NINL: variants seen among roughly 807,000 people sequenced by gnomAD.
The protein encoded by NINL is ninein-like protein.
Under a neutral mutation model 160.3 loss-of-function variants are expected in NINL, and 153 were observed. That is an observed-to-expected ratio of 0.95 (90% confidence interval 0.84 to 1.09). NINL has a LOEUF of 1.09. NINL is among the 50% of genes least tolerant of loss of function. The pLI, the probability that NINL is intolerant of heterozygous loss-of-function variation, is 0.00. For synonymous variants in NINL, 800 were observed against 734.8 expected (o/e 1.09, Z -1.43); for missense variants, 1,829 against 1,764.0 (o/e 1.04, Z -0.66).
At chr20:25,461,828 C>G (rs778198881) in intron 20 of NINL, among the ~76,000 whole-genome samples, 193 bp from the exon 21 acceptor site, 16 of 152,234 alleles carry the variant, frequency 1.1e-4, no homozygotes, top group Non-Finnish European at 2.2e-4. Flanking sequence ...ACGCATCTCC[C>G]TGGTGAGACA....
chr20:25,513,101 C>T, intron 3 of NINL, 95 bp from the exon 4 acceptor site: 4 of 1,260,600 alleles, frequency 3.2e-6, no homozygotes, highest in Non-Finnish European at 4.4e-6. Flanking sequence ...GCACACTCAG[C>T]ACCGAGTGTG....
chr20:25,515,649 G>A (rs1021444650), intron 3 of NINL, among the ~76,000 whole-genome samples: 1 of 152,166 alleles, frequency 6.6e-6, no homozygotes, highest in African/African-American at 2.4e-5. Context: ...AATTCCCAAT[G>A]GTGGAGGAAG....
intron 13 of NINL, chr20:25,488,879 T>C (rs527670056): frequency 4.7e-6 from 1 of 214,178 alleles, no homozygotes; most frequent in African/African-American, 2.2e-5. Flanking sequence ...TTGAGAACAT[T>C]AAGCGTGTAC....
At chr20:25,487,940 G>A (rs2063536871) in intron 13 of NINL, among the ~76,000 whole-genome samples, 1 of 152,216 alleles carries the variant, frequency 6.6e-6, no homozygotes, top group South Asian at 2.1e-4. Flanking sequence ...AAACACCCGA[G>A]CTTTAAAACA....
At chr20:25,489,691 C>T (rs2146669136) in intron 12 of NINL, among the ~76,000 whole-genome samples, 184 bp downstream of exon 12, 1 of 152,156 alleles carries the variant, frequency 6.6e-6, no homozygotes, top group Non-Finnish European at 1.5e-5. Context: ...GGGCAGACGG[C>T]CCCCCACATT....
chr20:25,520,755 C>T (rs1273534624), intron 2 of NINL, among the ~76,000 whole-genome samples: 12 of 152,328 alleles, frequency 7.9e-5, no homozygotes, highest in South Asian at 4.1e-4. Flanking sequence ...CAGAAAGCAA[C>T]GGTCAATCTA....
intron 3 of NINL, among the ~76,000 whole-genome samples, chr20:25,513,460 T>A (rs1025011085): frequency 9.9e-5 from 15 of 152,184 alleles, no homozygotes; most frequent in Admixed American, 2.0e-4. Context: ...GACCAGAATA[T>A]CTCTCACCCC....
intron 2 of NINL, among the ~76,000 whole-genome samples, chr20:25,520,715 C>T (rs961489656): frequency 6.6e-6 from 1 of 152,194 alleles, no homozygotes; most frequent in Non-Finnish European, 1.5e-5. Context: ...GATATCTTTC[C>T]ACCGTCTTCT....
intron 1 of NINL, among the ~76,000 whole-genome samples, chr20:25,543,035 G>A (rs539695686): frequency 3.0e-4 from 15 of 50,558 alleles, no homozygotes; most frequent in East Asian, 5.2e-4. Context: ...GCAAGACTCC[G>A]TCTTCAAAAA....
chr20:25,532,830 T>A (rs2064490643), intron 1 of NINL, among the ~76,000 whole-genome samples: 1 of 151,998 alleles, frequency 6.6e-6, no homozygotes, highest in Non-Finnish European at 1.5e-5. Flanking sequence ...AGGTACTGTC[T>A]CCTCCCATAC....
intron 21 of NINL, among the ~76,000 whole-genome samples, chr20:25,460,450 T>C (rs2062755727): frequency 6.6e-6 from 1 of 152,128 alleles, no homozygotes; most frequent in Non-Finnish European, 1.5e-5. Context: ...TGTGGAATGC[T>C]CTCCCTTGGC....
intron 1 of NINL, among the ~76,000 whole-genome samples, chr20:25,567,384 A>C (rs1191831170): frequency 6.6e-6 from 1 of 152,224 alleles, no homozygotes; most frequent in Admixed American, 6.5e-5. Flanking sequence ...GAATTTCCCC[A>C]TACCACAGAC....
At chr20:25,524,931 G>GTATATATA (rs59291392) in intron 2 of NINL, among the ~76,000 whole-genome samples, 12 of 146,470 alleles carry the variant, frequency 8.2e-5, no homozygotes, top group African/African-American at 3.0e-4. Flanking sequence ...ATATGTGTGT[G>GTATATATA]TATATATATA....
intron 1 of NINL, among the ~76,000 whole-genome samples, chr20:25,546,162 G>C (rs1296375885): frequency 6.6e-6 from 1 of 152,000 alleles, no homozygotes; most frequent in East Asian, 1.9e-4. Flanking sequence ...CCCAGGCCAC[G>C]GTCAATCATA....
At chr20:25,479,994 T>G (rs970889458) in intron 15 of NINL, among the ~76,000 whole-genome samples, 167 bp downstream of exon 15, 1 of 152,212 alleles carries the variant, frequency 6.6e-6, no homozygotes, top group African/African-American at 2.4e-5. Context: ...TTGGGCAGCA[T>G]GTCAGTTTTA....
chr20:25,544,269 A>G (rs1052264930), intron 1 of NINL, among the ~76,000 whole-genome samples: 5 of 152,124 alleles, frequency 3.3e-5, no homozygotes, highest in Admixed American at 1.3e-4. Flanking sequence ...CAGCATCCAC[A>G]TAATAGGATA....
intron 1 of NINL, among the ~76,000 whole-genome samples, chr20:25,547,224 A>T (rs1166766040): frequency 6.6e-6 from 1 of 152,110 alleles, no homozygotes; most frequent in Non-Finnish European, 1.5e-5. Context: ...TACCAGATGG[A>T]CCAACCCTGG....
intron 19 of NINL, among the ~76,000 whole-genome samples, chr20:25,466,070 G>A (rs1361394919): frequency 2.0e-5 from 3 of 152,074 alleles, no homozygotes; most frequent in Non-Finnish European, 4.4e-5. Flanking sequence ...CTGTCAGGCT[G>A]GAGTGCAGTG....
At chr20:25,550,668 T>C (rs1394976143) in intron 1 of NINL, among the ~76,000 whole-genome samples, 3 of 152,160 alleles carry the variant, frequency 2.0e-5, no homozygotes, top group Admixed American at 6.5e-5. Context: ...GATGTGCACA[T>C]AGGCCAGATT....
Sources: gnomAD v4.1 joint callset for allele counts (sites outside exome capture counted in the v4.1 genomes callset) on GRCh38, gnomAD v4.1.1 for gene constraint, MANE v1.5 for transcripts, NCBI Gene and HGNC (gene_info 2026-07-23, HGNC 2026-07-21) for gene names.